The following LRMDA variants were observed in gnomAD, a reference collection of about 807,000 sequenced individuals.
LRMDA encodes leucine-rich melanocyte differentiation-associated protein.
LRMDA carries 18 observed loss-of-function variants against 29.8 expected under a neutral mutation model. The ratio of observed to expected loss-of-function variants is 0.60; its 90% confidence interval spans 0.42 to 0.90. The LOEUF (loss-of-function observed/expected upper bound fraction) is 0.90, where lower values mean the gene tolerates loss of function less well. Among genes scored for constraint, LRMDA ranks in the 40% least tolerant of loss-of-function variants. The probability of loss-of-function intolerance (pLI) is 0.00; values close to 1 mark genes in which losing one functional copy is unlikely to be tolerated. For synonymous variants in LRMDA, 125 were observed against 109.4 expected, an observed-to-expected ratio of 1.14 and a Z score of -0.89; for missense variants, 273 against 273.9, an observed-to-expected ratio of 1.00 and a Z score of 0.02.
At chr10:75,778,765 A>G (rs112870472) in intron 2 of LRMDA, among the ~76,000 whole-genome samples, 76 of 152,370 alleles carry the variant, frequency 5.0e-4, no homozygotes, top group South Asian at 8.3e-4. Context: ...CAAGGAATAG[A>G]CTAGCAGTAT....
chr10:75,882,607 G>A (rs1448269521), intron 2 of LRMDA: 1 of 152,216 alleles, frequency 6.6e-6, no homozygotes, highest in Non-Finnish European at 1.5e-5. Flanking sequence ...ATGAATCAGA[G>A]GTGACATCCA....
At chr10:75,522,949 G>A (rs1429104717) in intron 2 of LRMDA, among the ~76,000 whole-genome samples, 1 of 152,170 alleles carries the variant, frequency 6.6e-6, no homozygotes, top group Non-Finnish European at 1.5e-5. Flanking sequence ...TGAGGGCTTG[G>A]GTGCCTATGT....
intron 2 of LRMDA, among the ~76,000 whole-genome samples, chr10:75,866,058 T>C (rs1202472499): frequency 6.6e-6 from 1 of 152,200 alleles, no homozygotes. Flanking sequence ...AGAAAAGGAT[T>C]GACAGAGATT....
chr10:76,305,648 T>C (rs1840545190), intron 5 of LRMDA, among the ~76,000 whole-genome samples: 1 of 152,206 alleles, frequency 6.6e-6, no homozygotes, highest in African/African-American at 2.4e-5. Flanking sequence ...ATAAGGCTGC[T>C]AGAATGGTTA....
intron 2 of LRMDA, among the ~76,000 whole-genome samples, chr10:75,749,484 C>A (rs915264822): frequency 3.3e-5 from 5 of 151,504 alleles, no homozygotes; most frequent in African/African-American, 1.2e-4. Flanking sequence ...ACATATATAT[C>A]TGTATATGTT....
rs138293540 is a variant in LRMDA at position 75,772,548 on chromosome 10, G to A, written c.132-263460G>A. On this transcript the variant is annotated intron_variant, in intron 2 of 6. Coordinates refer to ENST00000611255, the MANE Select transcript of LRMDA (RefSeq NM_001305581.2). ...CAAGGATCAGGGATGAATGCTACTT[G>A]GAAGAGAAGTTTGAGTGGGAACCGG... Among the ~76,000 whole-genome samples, 3 of 152,294 alleles carry A rather than the reference G, an allele frequency of 2.0e-5. No homozygotes were observed. The East Asian group carries it at 5.8e-4, about 29-fold the overall frequency.
chr10:75,579,121 A>G (rs150314910), intron 2 of LRMDA, among the ~76,000 whole-genome samples: 7 of 152,294 alleles, frequency 4.6e-5, no homozygotes, highest in African/African-American at 9.6e-5. Flanking sequence ...AAAAAAATCA[A>G]TGAATCCAGG....
intron 5 of LRMDA, among the ~76,000 whole-genome samples, chr10:76,062,166 G>A (rs962683941): frequency 1.3e-5 from 2 of 152,156 alleles, no homozygotes; most frequent in Non-Finnish European, 2.9e-5. Context: ...TATTTTTCAC[G>A]ATGGAATCGG....
chr10:75,527,405 A>G (rs1845425872), intron 2 of LRMDA, among the ~76,000 whole-genome samples: 1 of 152,154 alleles, frequency 6.6e-6, no homozygotes, highest in African/African-American at 2.4e-5. Context: ...ATGTATGCCT[A>G]GGAATAAAAT....
intron 4 of LRMDA, among the ~76,000 whole-genome samples, chr10:76,055,315 A>G (rs1848596957): frequency 6.6e-6 from 1 of 151,930 alleles, no homozygotes; most frequent in Non-Finnish European, 1.5e-5. Context: ...AAAGAATTTC[A>G]TAATATTTTG....
chr10:76,033,161 A>T (rs918636663), intron 2 of LRMDA, among the ~76,000 whole-genome samples: 2 of 152,018 alleles, frequency 1.3e-5, no homozygotes, highest in Non-Finnish European at 2.9e-5. Context: ...TATCTTCCCC[A>T]GTACTCCCAT....
intron 6 of LRMDA, among the ~76,000 whole-genome samples, chr10:76,497,205 CT>C (rs2132340411): frequency 1.3e-5 from 1 of 74,976 alleles, no homozygotes; most frequent in South Asian, 3.5e-4. Flanking sequence ...TTTTTCCCCT[CT>C]TTTAAAAGAT....
chr10:76,050,612 T>C (rs1344575534), intron 4 of LRMDA, among the ~76,000 whole-genome samples: 3 of 152,130 alleles, frequency 2.0e-5, no homozygotes, highest in Non-Finnish European at 4.4e-5. Context: ...TGGAGGTGAA[T>C]GTGATAATCA....
At chr10:75,896,871 G>GTGTA (rs1845591860) in intron 2 of LRMDA, among the ~76,000 whole-genome samples, 1 of 151,762 alleles carries the variant, frequency 6.6e-6, no homozygotes, top group East Asian at 1.9e-4. Context: ...GTGTGTGTGT[G>GTGTA]TAAGAGAATA....
chr10:76,356,461 A>G (rs1841240992), intron 6 of LRMDA, among the ~76,000 whole-genome samples: 1 of 152,172 alleles, frequency 6.6e-6, no homozygotes, highest in Non-Finnish European at 1.5e-5. Context: ...CTGCTTTCTG[A>G]AGCTAATTTA....
At chr10:75,489,711 T>A (rs1339313973) in intron 2 of LRMDA, among the ~76,000 whole-genome samples, 51 of 152,138 alleles carry the variant, frequency 3.4e-4, no homozygotes. Context: ...GTTAGATTGT[T>A]TGGGGTTTGT....
chr10:76,270,842 G>C (rs1437097084), intron 5 of LRMDA: 1 of 152,056 alleles, frequency 6.6e-6, no homozygotes, highest in Non-Finnish European at 1.5e-5. Flanking sequence ...CACAAAGCTG[G>C]GGGCAATTGC....
chr10:76,454,301 A>G (rs1248964712), intron 6 of LRMDA, among the ~76,000 whole-genome samples: 1 of 152,108 alleles, frequency 6.6e-6, no homozygotes, highest in East Asian at 1.9e-4. Flanking sequence ...TAAATGTTGG[A>G]ATTGAACTAA....
intron 6 of LRMDA, among the ~76,000 whole-genome samples, chr10:76,435,031 C>G (rs754689779): frequency 1.3e-5 from 2 of 152,168 alleles, no homozygotes; most frequent in Non-Finnish European, 2.9e-5. Context: ...TCCCTCCCAC[C>G]CTGCCACGTT....
Sources: gnomAD v4.1 joint callset for allele counts (sites outside exome capture counted in the v4.1 genomes callset) on GRCh38, gnomAD v4.1.1 for gene constraint, MANE v1.5 for transcripts, NCBI Gene and HGNC (gene_info 2026-07-23, HGNC 2026-07-21) for gene names.